FOXJ3: variants seen among roughly 807,000 people sequenced by gnomAD.
FOXJ3 encodes forkhead box J3.
Under a neutral mutation model 76.1 loss-of-function variants are expected in FOXJ3, and 22 were observed. That is an observed-to-expected ratio of 0.29 (90% CI 0.21 to 0.41). The LOEUF (loss-of-function observed/expected upper bound fraction) is 0.41. FOXJ3 is among the 10% of genes least tolerant of loss of function. The pLI, the probability that FOXJ3 is intolerant of heterozygous loss-of-function variation, is 1.00. For missense variants in FOXJ3, 613 were observed against 762.1 expected (o/e 0.80, Z 2.30); for synonymous variants, 269 against 261.2 (o/e 1.03, Z -0.29).
intron 2 of FOXJ3, among the ~76,000 whole-genome samples, chr1:42,304,148 TCATTTA>T: frequency 6.6e-6 from 1 of 151,880 alleles, no homozygotes; most frequent in South Asian, 2.1e-4. Context: ...GAAAGTAATC[TCATTTA>T]CAATAGGTAC....
chr1:42,291,523 C>A (rs1286028651), intron 2 of FOXJ3, among the ~76,000 whole-genome samples: 2 of 152,164 alleles, frequency 1.3e-5, no homozygotes, highest in Admixed American at 6.5e-5. Flanking sequence ...CTTAACCCTA[C>A]AAATTACAGG....
chr1:42,324,101 T>TGTATATACACA (rs1557725873), intron 1 of FOXJ3, among the ~76,000 whole-genome samples: 293 of 22,480 alleles, frequency 0.013, 2 homozygotes, highest in South Asian at 0.02. Flanking sequence ...GTATATATAC[T>TGTATATACACA]GTGTATATAC....
chr1:42,206,723 G>C (rs901832834), intron 5 of FOXJ3, among the ~76,000 whole-genome samples: 3 of 151,762 alleles, frequency 2.0e-5, no homozygotes, highest in African/African-American at 7.3e-5. Flanking sequence ...GTTTATACTA[G>C]GAATATTCAA....
chr1:42,221,009 T>C (rs1422521098), intron 5 of FOXJ3, among the ~76,000 whole-genome samples: 1 of 152,214 alleles, frequency 6.6e-6, no homozygotes, highest in African/African-American at 2.4e-5. Flanking sequence ...AACATACATG[T>C]TAACATAATA....
At chr1:42,311,193 C>A in intron 1 of FOXJ3, 83 bp from the exon 2 acceptor site, 1 of 860,428 alleles carries the variant, frequency 1.2e-6, no homozygotes, top group Non-Finnish European at 1.8e-6. Flanking sequence ...ATTTAAAACA[C>A]TCTGAAAACA....
intron 3 of FOXJ3, among the ~76,000 whole-genome samples, chr1:42,274,660 A>T (rs1652121740): frequency 6.6e-6 from 1 of 152,200 alleles, no homozygotes; most frequent in Admixed American, 6.5e-5. Flanking sequence ...GATGGCACTT[A>T]GTATAGTGCC....
intron 4 of FOXJ3, among the ~76,000 whole-genome samples, chr1:42,229,080 C>T (rs1043595886): frequency 2.0e-5 from 3 of 152,254 alleles, no homozygotes; most frequent in Middle Eastern, 3.4e-3. Flanking sequence ...CTGTCCTACA[C>T]GCTGACCTCA....
At chr1:42,316,199 T>G (rs757349181) in intron 1 of FOXJ3, among the ~76,000 whole-genome samples, 1 of 152,098 alleles carries the variant, frequency 6.6e-6, no homozygotes, top group Non-Finnish European at 1.5e-5. Flanking sequence ...GACAGAGTCT[T>G]GCTTTGTTGC....
intron 4 of FOXJ3, among the ~76,000 whole-genome samples, chr1:42,258,844 T>C (rs1650811774): frequency 6.6e-6 from 1 of 152,200 alleles, no homozygotes; most frequent in Admixed American, 6.5e-5. Context: ...TACTATATCA[T>C]AACGAATTCC....
rs1647221185 is a variant in FOXJ3, at chr1:42,222,051, GAAGAAGAAGAAGA to G, written c.528+5819_528+5831del. ...AGGGGGAGGAGAAGGAGAAGGAGAA[GAAGAAGAAGAAGA>G]AGAAGAAGAAGAAGAAGAAGAAGAA... On this transcript the variant is annotated intron_variant, in intron 5 of 12. Coordinates refer to ENST00000361346, the MANE Select transcript of FOXJ3 (RefSeq NM_014947.5). Among the ~76,000 whole-genome samples, 4 of 88,844 alleles carry G rather than the reference GAAGAAGAAGAAGA, an allele frequency of 4.5e-5. 1 individual carries two copies. The highest frequency in any genetic ancestry group is 2.1e-4 in the African/African-American group (4 of 19,476). 58.3% of individuals were successfully genotyped at this position (88,844 alleles called of 152,430 possible). A position where few individuals can be genotyped will look rare whatever the true frequency, so the allele number is the denominator to read the frequency against.
chr1:42,317,278 C>T (rs1255947625), intron 1 of FOXJ3, among the ~76,000 whole-genome samples: 1 of 151,908 alleles, frequency 6.6e-6, no homozygotes, highest in Non-Finnish European at 1.5e-5. Flanking sequence ...TAATCTGTAT[C>T]CTAATCAACC....
At chr1:42,287,151 C>G (rs1653110917) in intron 2 of FOXJ3, among the ~76,000 whole-genome samples, 1 of 151,242 alleles carries the variant, frequency 6.6e-6, no homozygotes, top group Non-Finnish European at 1.5e-5. Flanking sequence ...CCAGCCTGGC[C>G]AACATGGTGA....
At chr1:42,230,270 T>C (rs1464116891) in intron 4 of FOXJ3, among the ~76,000 whole-genome samples, 10 of 152,180 alleles carry the variant, frequency 6.6e-5, no homozygotes, top group Admixed American at 5.9e-4. Context: ...ACCTTAAAAT[T>C]CCTCTTCACA....
chr1:42,331,957 T>C (rs1034261556), intron 1 of FOXJ3, among the ~76,000 whole-genome samples: 2 of 152,222 alleles, frequency 1.3e-5, no homozygotes, highest in Non-Finnish European at 2.9e-5. Context: ...CTAATGTCTC[T>C]ACAAATCCTG....
intron 3 of FOXJ3, among the ~76,000 whole-genome samples, chr1:42,274,322 T>TA (rs993340107): frequency 6.6e-6 from 1 of 152,246 alleles, no homozygotes; most frequent in African/African-American, 2.4e-5. Flanking sequence ...TCTGTTAGGA[T>TA]AGACTCCTAT....
intron 8 of FOXJ3, among the ~76,000 whole-genome samples, chr1:42,192,256 G>C (rs542693245): frequency 6.6e-6 from 1 of 152,332 alleles, no homozygotes; most frequent in Non-Finnish European, 1.5e-5. Context: ...AAAAGAGGAA[G>C]TTGTTTATGC....
At chr1:42,227,839 C>T (rs367700717) in intron 5 of FOXJ3, 44 bp downstream of exon 5, 2 of 1,034,454 alleles carry the variant, frequency 1.9e-6, no homozygotes, top group East Asian at 2.5e-5. Context: ...GTATTTCAGA[C>T]ATATTCAATG....
At chr1:42,186,172 AAGAC>A (rs1345077371) in intron 11 of FOXJ3, among the ~76,000 whole-genome samples, 1 of 152,172 alleles carries the variant, frequency 6.6e-6, no homozygotes, top group Non-Finnish European at 1.5e-5. Flanking sequence ...ACAGGGATGT[AAGAC>A]AGAGAAAAAA....
intron 1 of FOXJ3, among the ~76,000 whole-genome samples, chr1:42,322,815 A>G (rs1182424808): frequency 2.0e-5 from 3 of 152,156 alleles, no homozygotes; most frequent in African/African-American, 7.2e-5. Flanking sequence ...CAGCTGCTAA[A>G]AAGAAACAAA....
Sources: allele counts gnomAD v4.1 joint callset (sites outside exome capture counted in the v4.1 genomes callset), GRCh38; gene constraint gnomAD v4.1.1; transcripts MANE v1.5; gene names NCBI Gene and HGNC (gene_info 2026-07-23, HGNC 2026-07-21).